Variants in RECK observed in about 807,000 individuals in gnomAD.
RECK encodes reversion inducing cysteine rich protein with kazal motifs, also known as reversion-inducing cysteine-rich protein with Kazal motifs.
Under a neutral mutation model 115.1 loss-of-function variants are expected in RECK, and 69 were observed. The ratio of observed to expected loss-of-function variants is 0.60; its 90% CI spans 0.49 to 0.73. The LOEUF (loss-of-function observed/expected upper bound fraction) is 0.73, where lower values mean the gene tolerates loss of function less well. RECK is among the 30% of genes least tolerant of loss of function. The pLI, the probability that RECK is intolerant of heterozygous loss-of-function variation, is 0.00. For missense variants in RECK, 1,047 were observed against 1,203.7 expected (o/e 0.87, Z 1.93); for synonymous variants, 414 against 419.7 (o/e 0.99, Z 0.17).
chr9:36,102,027 G>A, intron 11 of RECK, 67 bp from the exon 12 acceptor site: 1 of 1,457,042 alleles, frequency 6.9e-7, no homozygotes, highest in Non-Finnish European at 9.3e-7. Context: ...TCAGAAACAA[G>A]TGATGTTGAC....
At chr9:36,112,616 G>T in intron 16 of RECK, 140 bp downstream of exon 16, 1 of 937,994 alleles carries the variant, frequency 1.1e-6, no homozygotes, top group Non-Finnish European at 1.6e-6. Context: ...GAGGGAAAGA[G>T]AGCCATGTAA....
intron 18 of RECK, 22 bp from the exon 19 acceptor site, chr9:36,120,641 T>C: frequency 6.3e-7 from 1 of 1,575,116 alleles, no homozygotes; most frequent in South Asian, 1.1e-5. Context: ...TGAACGCACA[T>C]AAAATGGTTT....
rs761538400 is a variant in RECK, at chr9:36,122,871, C to T, written c.2742C>T (p.Asn914=). The change falls in exon 21 of 21, where the codon AAC becomes AAT. Residue 914 remains asparagine, a synonymous_variant. Transcript: ENST00000377966. ...CAGAGAAGATTGAGTCCCTTATCAA[C>T]TCTGACAGCCCGACTTTGGCGTCCC... is the stretch of plus-strand genomic sequence containing the variant. ...KEAEKIESLI[N]SDSPTLASHV... is the part of the protein sequence containing the mutation. The T allele has an allele frequency of 3.7e-6, 6 of 1,614,188 alleles. No individual in the cohort carries two copies. The highest frequency in any genetic ancestry group is 2.2e-5 in the East Asian group (1 of 44,886).
chr9:36,098,387 C>G (rs111691581), intron 10 of RECK, among the ~76,000 whole-genome samples: 3,854 of 152,204 alleles, frequency 0.025, 174 homozygotes, highest in African/African-American at 0.086. Flanking sequence ...TCATTAAAGG[C>G]TTCATTATTA....
intron 2 of RECK, among the ~76,000 whole-genome samples, chr9:36,057,288 A>T (rs1821567015): frequency 6.6e-6 from 1 of 152,072 alleles, no homozygotes; most frequent in Non-Finnish European, 1.5e-5. Context: ...TTACCAGTTG[A>T]CTAAAAGTAA....
intron 15 of RECK, 69 bp downstream of exon 15, chr9:36,110,148 G>T: frequency 6.6e-7 from 1 of 1,526,304 alleles, no homozygotes. Flanking sequence ...TCCCTTCAAG[G>T]CAGCTTCTCC....
chr9:36,054,272 A>G (rs770677646), intron 2 of RECK, among the ~76,000 whole-genome samples: 1 of 152,174 alleles, frequency 6.6e-6, no homozygotes, highest in Non-Finnish European at 1.5e-5. Flanking sequence ...TAGGGAAAAG[A>G]TATGGTTTGA....
Position 36,048,470 on chromosome 9 carries a change from G to C in RECK, c.101-3795G>C, listed in dbSNP as rs114845547. 3.6e-3 allele frequency among the ~76,000 whole-genome samples: 544 copies of C among 152,178 alleles called. 2 individuals are homozygous for C. Among genetic ancestry groups the C allele is most frequent in the African/African-American group, 0.013 (526 of 41,524 alleles). ...CACAGGTTTGAGAAACATATTTATAGTTGTTTCCTTTCTCTATTTTCCAAA... is the reference window on the plus strand; with the variant it reads ...CACAGGTTTGAGAAACATATTTATACTTGTTTCCTTTCTCTATTTTCCAAA... On this transcript the variant is annotated intron_variant, in intron 1 of 20. Transcript: ENST00000377966.
chr9:36,107,316 G>A (rs557163374), intron 13 of RECK, among the ~76,000 whole-genome samples: 9 of 151,986 alleles, frequency 5.9e-5, no homozygotes, highest in East Asian at 1.9e-4. Flanking sequence ...CTGGCCAGGC[G>A]CGGTAGCTCA....
intron 2 of RECK, among the ~76,000 whole-genome samples, chr9:36,055,062 C>G (rs1458660848): frequency 6.6e-6 from 1 of 151,958 alleles, no homozygotes; most frequent in African/African-American, 2.4e-5. Flanking sequence ...GACTGTAAAC[C>G]CTATGGTCTG....
chr9:36,105,102 T>A, intron 12 of RECK, 41 bp from the exon 13 acceptor site: 1 of 1,558,446 alleles, frequency 6.4e-7, no homozygotes, highest in South Asian at 1.1e-5. Flanking sequence ...TTTCTCTTAC[T>A]CTTTTAGGTT....
At chr9:36,074,680 C>G (rs185412609) in intron 6 of RECK, among the ~76,000 whole-genome samples, 1 of 152,178 alleles carries the variant, frequency 6.6e-6, no homozygotes, top group Non-Finnish European at 1.5e-5. Flanking sequence ...TTCTTTGTAA[C>G]ACAGTATATC....
chr9:36,080,107 C>T (rs1822626171), intron 6 of RECK, among the ~76,000 whole-genome samples: 1 of 152,132 alleles, frequency 6.6e-6, no homozygotes. Context: ...CTGTGCCTCA[C>T]CCCTAGATTC....
chr9:36,075,929 A>G (rs1822429698), intron 6 of RECK, among the ~76,000 whole-genome samples: 1 of 152,178 alleles, frequency 6.6e-6, no homozygotes, highest in South Asian at 2.1e-4. Context: ...TCATATGATC[A>G]GTGTTTTGTT....
chr9:36,091,229 G>A lies in RECK; in HGVS notation c.971G>A (p.Arg324His), dbSNP rs546462273. Residue 324 changes from arginine to histidine, a missense_variant, in exon 10 of 21, where the codon CGC becomes CAC. By Grantham distance (29) the Arg-to-His change is conservative. Coordinates refer to ENST00000377966, the MANE Select transcript of RECK (RefSeq NM_021111.3). ...ACACAGAGTTGGCAAGAGTTTGATC[G>A]CTTTTGTGAATATAATCCAGTGGAA... is the stretch of plus-strand genomic sequence containing the variant. Reference protein sequence around the residue: ...GNTQSWQEFDRFCEYNPVEVS... With the variant: ...GNTQSWQEFDHFCEYNPVEVS... 327 of 1,613,964 alleles carry A rather than the reference G, an allele frequency of 2.0e-4. 1 individual carries two copies. The South Asian group carries it at 2.4e-3, about 12-fold the overall frequency.
chr9:36,084,734 G>C (rs562931581), intron 8 of RECK, among the ~76,000 whole-genome samples: 1 of 149,318 alleles, frequency 6.7e-6, no homozygotes, highest in East Asian at 2.0e-4. Context: ...GGAAGGGAGG[G>C]AGGGAGGGAG....
At chr9:36,038,921 A>T (rs1820768636) in intron 1 of RECK, among the ~76,000 whole-genome samples, 1 of 152,226 alleles carries the variant, frequency 6.6e-6, no homozygotes, top group African/African-American at 2.4e-5. Flanking sequence ...GATAGTGGTG[A>T]TGGCTACACA....
At chr9:36,111,479 C>T (rs775179486) in intron 15 of RECK, among the ~76,000 whole-genome samples, 6 of 152,138 alleles carry the variant, frequency 3.9e-5, no homozygotes, top group African/African-American at 9.7e-5. Flanking sequence ...CCACAAACTC[C>T]GCCTCCTGGG....
At chr9:36,042,484 C>T (rs13440127) in intron 1 of RECK, among the ~76,000 whole-genome samples, 13,129 of 147,236 alleles carry the variant, frequency 0.089, 708 homozygotes, top group East Asian at 0.3. Flanking sequence ...ACCACATTTT[C>T]TTTATCCAAT....
Sources: gnomAD v4.1 joint callset for allele counts (sites outside exome capture counted in the v4.1 genomes callset) on GRCh38, gnomAD v4.1.1 for gene constraint, MANE v1.5 for transcripts, NCBI Gene and HGNC (gene_info 2026-07-23, HGNC 2026-07-21) for gene names.